Variants in P4HA3 observed in about 807,000 individuals in gnomAD.
P4HA3 encodes the protein prolyl 4-hydroxylase subunit alpha-3.
Under a neutral mutation model 66.7 loss-of-function variants are expected in P4HA3, and 60 were observed. The observed-to-expected ratio is 0.90, with a 90% CI of 0.73 to 1.12. P4HA3 has a LOEUF of 1.12. P4HA3 is among the 50% of genes most tolerant of loss of function. P4HA3 has a pLI of 0.00. For missense variants in P4HA3, 683 were observed against 685.8 expected (o/e 1.00, Z 0.05); for synonymous variants, 263 against 274.6 (o/e 0.96, Z 0.42).
chr11:74,301,658 G>T (rs1296005029), intron 3 of P4HA3, among the ~76,000 whole-genome samples: 6 of 152,136 alleles, frequency 3.9e-5, no homozygotes, highest in Admixed American at 3.3e-4. Context: ...TTGCTCCATT[G>T]CTTTTTATAG....
chr11:74,299,856 T>A (rs1435777713), intron 3 of P4HA3, among the ~76,000 whole-genome samples: 1 of 152,122 alleles, frequency 6.6e-6, no homozygotes, highest in Non-Finnish European at 1.5e-5. Context: ...GAGCCATCCT[T>A]AGACCTGCCC....
At chr11:74,283,133 G>T (rs570454341) in intron 7 of P4HA3, among the ~76,000 whole-genome samples, 41 of 152,276 alleles carry the variant, frequency 2.7e-4, no homozygotes, top group African/African-American at 9.6e-4. Context: ...GCTGATTCCT[G>T]GGAGAGCCAC....
At chr11:74,291,589 A>G (rs1248862042) in intron 4 of P4HA3, among the ~76,000 whole-genome samples, 2 of 152,246 alleles carry the variant, frequency 1.3e-5, no homozygotes, top group Admixed American at 1.3e-4. Context: ...GATTTGTCAT[A>G]GACAGCTCTT....
chr11:74,294,823 T>A (rs2134795519), intron 4 of P4HA3, among the ~76,000 whole-genome samples: 1 of 152,236 alleles, frequency 6.6e-6, no homozygotes, highest in East Asian at 1.9e-4. Flanking sequence ...CTCAGAGGAG[T>A]ACCCTGCCAT....
chr11:74,252,388 C>T (rs1402290555), intron 15 of P4HA3: 5 of 453,660 alleles, frequency 1.1e-5, no homozygotes, highest in East Asian at 7.0e-5. Flanking sequence ...CAAGCCACCG[C>T]GCCTGGCCTA....
intron 7 of P4HA3, 187 bp downstream of exon 7, chr11:74,285,622 T>C: frequency 1.7e-6 from 1 of 587,786 alleles, no homozygotes; most frequent in African/African-American, 1.8e-5. Context: ...AGTTAATCCT[T>C]TCCCTCTAGA....
rs373185032 is a variant in P4HA3 at position 74,300,962 on chromosome 11, T to C, written c.567+1407A>G. Among the ~76,000 whole-genome samples the C allele has an allele frequency of 6.6e-5, 10 of 152,068 alleles. No homozygotes were observed. In the East Asian group the frequency reaches 9.6e-4, roughly 15 times the overall value. On this transcript the variant is annotated intron_variant, in intron 3 of 12. Transcript: ENST00000331597. ...TAAAAAGAAATAAACTACTAACAAA[T>C]GATACAATATGGATGAATTCCACAG...
intron 4 of P4HA3, among the ~76,000 whole-genome samples, chr11:74,297,489 C>G (rs1240460721): frequency 6.6e-6 from 1 of 152,132 alleles, no homozygotes; most frequent in Non-Finnish European, 1.5e-5. Flanking sequence ...ATTTTTGCAG[C>G]CTACCCTTGA....
At chr11:74,286,136 G>A in intron 6 of P4HA3, 92 bp downstream of exon 6, 1 of 1,497,732 alleles carries the variant, frequency 6.7e-7, no homozygotes, top group Non-Finnish European at 9.1e-7. Context: ...TGTTTTTAAT[G>A]CATCAGCTCT....
At chr11:74,297,213 C>CA (rs767089793) in intron 4 of P4HA3, among the ~76,000 whole-genome samples, 6 of 152,210 alleles carry the variant, frequency 3.9e-5, no homozygotes, top group Non-Finnish European at 7.4e-5. Context: ...CTCAGCCTCC[C>CA]AAAGTGCTGG....
intron 7 of P4HA3, among the ~76,000 whole-genome samples, chr11:74,281,869 T>TATAATAATAATAATAATAATAATA (rs57363098): frequency 1.2e-4 from 17 of 144,508 alleles, no homozygotes; most frequent in African/African-American, 3.3e-4. Flanking sequence ...AAACTTAAAG[T>TATAATAATAATAATAATAATAATA]ATAATAATAA....
chr11:74,293,691 C>T (rs1013204825), intron 4 of P4HA3, among the ~76,000 whole-genome samples: 2 of 152,158 alleles, frequency 1.3e-5, no homozygotes, highest in African/African-American at 4.8e-5. Flanking sequence ...GATTTTATTT[C>T]TCCTTCACTT....
intron 4 of P4HA3, among the ~76,000 whole-genome samples, chr11:74,295,014 C>T (rs906722720): frequency 5.9e-5 from 9 of 152,166 alleles, no homozygotes; most frequent in African/African-American, 7.2e-5. Context: ...GTGTCACTCA[C>T]GCTGGGAGCT....
intron 4 of P4HA3, among the ~76,000 whole-genome samples, chr11:74,289,662 T>C (rs1202272176): frequency 1.4e-5 from 2 of 146,848 alleles, no homozygotes; most frequent in Non-Finnish European, 3.0e-5. Flanking sequence ...GTTCTCATTG[T>C]TCAATTCCCA....
rs565420776 is a variant in P4HA3, at chr11:74,273,190, G to A, written c.1398+355C>T. 2.1e-4 allele frequency among the ~76,000 whole-genome samples: 32 copies of A among 152,174 alleles called. 1 individual carries two copies. Among genetic ancestry groups the A allele is most frequent in the African/African-American group, 7.5e-4 (31 of 41,502 alleles). On this transcript the variant is annotated intron_variant, in intron 10 of 12. Transcript: ENST00000331597. The stretch of plus-strand genomic sequence containing the variant: ...CATCTATGGGTTGTTTTTCAACACT[G>A]ATTAGTCCATGAGACCTCAAGGACA...
chr11:74,288,044 A>G (rs907364673), intron 5 of P4HA3, among the ~76,000 whole-genome samples: 2 of 152,154 alleles, frequency 1.3e-5, no homozygotes, highest in African/African-American at 4.8e-5. Context: ...ACAAACAAAA[A>G]AACCACACCC....
chr11:74,294,491 G>A (rs1651532679), intron 4 of P4HA3, among the ~76,000 whole-genome samples: 1 of 152,180 alleles, frequency 6.6e-6, no homozygotes, highest in Non-Finnish European at 1.5e-5. Flanking sequence ...TGCTGGTGAG[G>A]AGCTCTGTTC....
chr11:74,279,278 A>G lies in P4HA3; in HGVS notation c.1175+110T>C. 5 of 969,988 alleles carry G rather than the reference A, an allele frequency of 5.2e-6. No individual in the cohort carries two copies. In the South Asian group the frequency reaches 6.5e-5, roughly 13 times the overall value. The allele number at this position is 969,988 out of a possible 1,614,324, so 60.1% of individuals were successfully genotyped here. On this transcript the variant is annotated intron_variant, in intron 8 of 12. Coordinates refer to ENST00000331597, the MANE Select transcript of P4HA3 (RefSeq NM_182904.5). The stretch of plus-strand genomic sequence containing the variant: ...GAATGTACAGCTATAAACGTGAACT[A>G]GGGATTCTCCACCTCTGGAGGTCCC...
chr11:74,258,960 C>A (rs1337866198), intron 15 of P4HA3, among the ~76,000 whole-genome samples: 1 of 152,156 alleles, frequency 6.6e-6, no homozygotes, highest in Admixed American at 6.5e-5. Flanking sequence ...ACTGGGAATC[C>A]CCACAGGGCG....
Sources: gnomAD v4.1 joint callset for allele counts (sites outside exome capture counted in the v4.1 genomes callset) on GRCh38, gnomAD v4.1.1 for gene constraint, MANE v1.5 for transcripts, NCBI Gene and HGNC (gene_info 2026-07-23, HGNC 2026-07-21) for gene names.